PPP1R13B: variants seen among roughly 807,000 people sequenced by gnomAD.
PPP1R13B encodes the protein protein phosphatase 1 regulatory subunit 13B, also known as apoptosis-stimulating of p53 protein 1.
PPP1R13B carries 44 observed loss-of-function variants against 119.8 expected under a neutral mutation model. The observed-to-expected ratio is 0.37, with a 90% CI of 0.29 to 0.47. The LOEUF is 0.47. Among genes scored for constraint, PPP1R13B ranks in the 20% least tolerant of loss-of-function variants. PPP1R13B has a pLI of 0.99. For synonymous variants in PPP1R13B, 542 were observed against 561.5 expected, an observed-to-expected ratio of 0.97 and a Z score of 0.49; for missense variants, 1,227 against 1,413.5, an observed-to-expected ratio of 0.87 and a Z score of 2.12.
intron 15 of PPP1R13B, 188 bp from the exon 16 acceptor site, chr14:103,736,390 A>G: frequency 3.2e-6 from 2 of 621,032 alleles, no homozygotes; most frequent in South Asian, 3.9e-5. Flanking sequence ...TGCCCGGCCC[A>G]GCTGCTGCTC....
At chr14:103,844,096 G>A (rs1385815430) in intron 1 of PPP1R13B, among the ~76,000 whole-genome samples, 7 of 151,832 alleles carry the variant, frequency 4.6e-5, no homozygotes, top group African/African-American at 7.3e-5. Flanking sequence ...GTGAAACCCC[G>A]TCTCTACTAA....
intron 1 of PPP1R13B, among the ~76,000 whole-genome samples, chr14:103,813,586 C>T (rs752537025): frequency 6.6e-6 from 1 of 152,172 alleles, no homozygotes; most frequent in Non-Finnish European, 1.5e-5. Flanking sequence ...TGAAGAGGTG[C>T]CTTCCGCCAT....
chr14:103,733,258 G>A lies in PPP1R13B; in HGVS notation c.*1896C>T, dbSNP rs1344175116. On this transcript the variant is annotated 3_prime_UTR_variant, in exon 17 of 17. Coordinates refer to ENST00000202556, the MANE Select transcript of PPP1R13B (RefSeq NM_015316.3). ...GTGTATTGTCAATACTTAATTGGGG[G>A]TGGGAGAGACTGAGCTACACTACTG... The A allele has an allele frequency of 3.7e-6, 2 of 535,958 alleles. No homozygotes were observed. Among genetic ancestry groups the A allele is most frequent in the Admixed American group, 3.3e-5 (1 of 30,096 alleles). The allele number at this position is 535,958 out of a possible 1,614,324, so 33.2% of individuals were successfully genotyped here. A position where few individuals can be genotyped will look rare whatever the true frequency, so the allele number is the denominator to read the frequency against.
At chr14:103,814,660 C>T (rs950253787) in intron 1 of PPP1R13B, among the ~76,000 whole-genome samples, 1 of 151,990 alleles carries the variant, frequency 6.6e-6, no homozygotes, top group Admixed American at 6.6e-5. Context: ...AAACAAAAAC[C>T]GGCGGCGGGG....
At chr14:103,819,580 C>T (rs1276021821) in intron 1 of PPP1R13B, among the ~76,000 whole-genome samples, 1 of 151,360 alleles carries the variant, frequency 6.6e-6, no homozygotes, top group Admixed American at 6.6e-5. Flanking sequence ...ATATAAAAAT[C>T]CAGGAGAGAA....
rs368792519 is a variant in PPP1R13B at position 103,735,215 on chromosome 14, C to T, written c.3232-20G>A. The T allele has an allele frequency of 2.2e-5, 35 of 1,613,536 alleles. No individual in the cohort carries two copies. The highest frequency in any genetic ancestry group is 2.7e-5 in the Non-Finnish European group (32 of 1,179,942). ...ATACAGCTGGGAAGCAACGGAGCCG[C>T]GTCAGGACAGGAAGCCACACACAGG... On this transcript the variant is annotated intron_variant, in intron 16 of 16. Transcript: ENST00000202556.
intron 4 of PPP1R13B, chr14:103,759,323 T>C (rs1209023441): frequency 2.0e-5 from 3 of 148,444 alleles, no homozygotes; most frequent in African/African-American, 5.1e-5. Flanking sequence ...AGCAATACGG[T>C]ACAAGATTTT....
rs552780794 is a variant in PPP1R13B at position 103,820,423 on chromosome 14, G to T, written c.10-22905C>A. On this transcript the variant is annotated intron_variant, in intron 1 of 16. Coordinates refer to ENST00000202556, the MANE Select transcript of PPP1R13B (RefSeq NM_015316.3). ...AGTGTTGTTATTGGCTTAGCACTCA[G>T]GATGTTCTCACAAGGACCCGTATTT... 7.5e-5 allele frequency among the ~76,000 whole-genome samples: 11 copies of T among 147,050 alleles called. No individual in the cohort carries two copies. In the South Asian group the frequency reaches 1.9e-3, roughly 26 times the overall value.
At chr14:103,792,682 A>C (rs140365575) in intron 2 of PPP1R13B, among the ~76,000 whole-genome samples, 32 of 152,030 alleles carry the variant, frequency 2.1e-4, no homozygotes, top group Admixed American at 2.1e-3. Flanking sequence ...CTGAGATGGA[A>C]GGATCCCTTG....
At chr14:103,817,427 A>G (rs1170390651) in intron 1 of PPP1R13B, among the ~76,000 whole-genome samples, 2 of 152,192 alleles carry the variant, frequency 1.3e-5, no homozygotes, top group African/African-American at 2.4e-5. Flanking sequence ...TTAAAAAAAA[A>G]AGACTTGTCT....
chr14:103,739,089 C>T lies in PPP1R13B; in HGVS notation c.2593-66G>A. 5 of 1,555,944 alleles carry T rather than the reference C, an allele frequency of 3.2e-6. No homozygotes were observed. The South Asian group carries it at 6.0e-5, about 19-fold the overall frequency. ...ACTGAAGTCTAAGAACCCACGCCTG[C>T]TGGGAAGGAGTGGTGGGAGCTAAAG... On this transcript the variant is annotated intron_variant, in intron 12 of 16. Transcript: ENST00000202556.
chr14:103,804,554 C>A (rs1207028286), intron 1 of PPP1R13B, among the ~76,000 whole-genome samples: 3 of 152,008 alleles, frequency 2.0e-5, no homozygotes, highest in African/African-American at 7.2e-5. Flanking sequence ...GAGACCCCAT[C>A]TCTACTAAAA....
intron 4 of PPP1R13B, among the ~76,000 whole-genome samples, chr14:103,770,072 T>A (rs2085030920): frequency 6.6e-6 from 1 of 151,792 alleles, no homozygotes. Flanking sequence ...TTTTTTTTTT[T>A]AAACAGAAAT....
At chr14:103,819,512 C>A (rs58791572) in intron 1 of PPP1R13B, among the ~76,000 whole-genome samples, 62,136 of 142,722 alleles carry the variant, frequency 0.44, 13,826 homozygotes, top group African/African-American at 0.54. Flanking sequence ...AAAAAACAAA[C>A]AAACAAAAAA....
At chr14:103,735,825 T>C (rs1271887987) in intron 16 of PPP1R13B, among the ~76,000 whole-genome samples, 178 bp downstream of exon 16, 1 of 152,154 alleles carries the variant, frequency 6.6e-6, no homozygotes, top group African/African-American at 2.4e-5. Flanking sequence ...GGGAACCTCC[T>C]GGGGCCCTGC....
At chr14:103,817,687 T>C (rs905022700) in intron 1 of PPP1R13B, among the ~76,000 whole-genome samples, 3 of 152,168 alleles carry the variant, frequency 2.0e-5, no homozygotes, top group African/African-American at 7.2e-5. Context: ...CTAATTATTT[T>C]TGCTTGCTAT....
chr14:103,777,929 G>A (rs1201101830), intron 4 of PPP1R13B, among the ~76,000 whole-genome samples: 1 of 151,790 alleles, frequency 6.6e-6, no homozygotes, highest in Non-Finnish European at 1.5e-5. Flanking sequence ...TGAGTAGCTG[G>A]GACTACAGGC....
rs528376355 is a variant in PPP1R13B at position 103,738,873 on chromosome 14, G to A, written c.2730+13C>T. On this transcript the variant is annotated intron_variant, in intron 13 of 16. Coordinates refer to ENST00000202556, the MANE Select transcript of PPP1R13B (RefSeq NM_015316.3). This position sits in a 1 kb window ranked among gnomAD's most constrained non-coding sequence, Gnocchi z 5.6. ...CCCCCAGCAGCGTGCACTGGTCCCC[G>A]GCTGCAGCTCACCTCATAGATGATC... is the stretch of plus-strand genomic sequence containing the variant. 4.4e-5 allele frequency: 71 copies of A among 1,612,926 alleles called. No homozygotes were observed. Among genetic ancestry groups the A allele is most frequent in the Admixed American group, 2.7e-4 (16 of 59,994 alleles).
chr14:103,813,873 T>G (rs1433011308), intron 1 of PPP1R13B, among the ~76,000 whole-genome samples: 3 of 152,172 alleles, frequency 2.0e-5, no homozygotes, highest in African/African-American at 7.2e-5. Flanking sequence ...CTACCAGGAC[T>G]TCCATAAAAC....
Sources: allele counts gnomAD v4.1 joint callset (sites outside exome capture counted in the v4.1 genomes callset), GRCh38; gene constraint gnomAD v4.1.1; non-coding constraint Gnocchi (gnomAD v3.1); transcripts MANE v1.5; gene names NCBI Gene and HGNC (gene_info 2026-07-23, HGNC 2026-07-21).